The following EBF3 variants were observed in gnomAD, a reference collection of about 807,000 sequenced individuals.
EBF3 encodes the protein transcription factor COE3.
A neutral mutation model predicts 77.1 loss-of-function variants in EBF3; 18 were observed. The ratio of observed to expected loss-of-function variants is 0.23; its 90% CI spans 0.16 to 0.35. EBF3 has a LOEUF of 0.35. EBF3 is among the 10% of genes least tolerant of loss of function. The pLI, the probability that EBF3 is intolerant of heterozygous loss-of-function variation, is 1.00. For missense variants in EBF3, 558 were observed against 860.0 expected (o/e 0.65, Z 4.39); for synonymous variants, 350 against 343.5 (o/e 1.02, Z -0.21).
Position 129,841,173 on chromosome 10 carries a change from G to T in EBF3, c.1373-141C>A. On this transcript the variant is annotated intron_variant, in intron 13 of 16. Transcript: ENST00000440978. The surrounding 1 kb of genome is among the most constrained non-coding windows in gnomAD (Gnocchi z 4.6). The stretch of plus-strand genomic sequence containing the variant: ...CCACCTGCTCTAGCGCCTGCTGCCA[G>T]CTCGGATGACCTTATCACGCCAACC... 1 of 1,154,724 alleles carries T rather than the reference G, an allele frequency of 8.7e-7. No homozygotes were observed. Among genetic ancestry groups the T allele is most frequent in the Non-Finnish European group, 1.2e-6 (1 of 836,692 alleles). The allele number at this position is 1,154,724 out of a possible 1,614,324, so 71.5% of individuals were successfully genotyped here.
Position 129,964,018 on chromosome 10 carries a change from T to C in EBF3, c.-250A>G, listed in dbSNP as rs1159203883. 4.1e-6 allele frequency: 4 copies of C among 985,098 alleles called. No homozygotes were observed. Among genetic ancestry groups the C allele is most frequent in the South Asian group, 9.4e-5 (2 of 21,288 alleles). The allele number at this position is 985,098 out of a possible 1,614,324, so 61.0% of individuals were successfully genotyped here. On this transcript the variant is annotated 5_prime_UTR_variant, in exon 1 of 17. Transcript: ENST00000440978. The surrounding 1 kb of genome is among the most constrained non-coding windows in gnomAD (Gnocchi z 4.5). ...GGCGCTTCGAAGGAGCAGGACGCGG[T>C]GGCCGCGGCGGCGCTTGTTGTTGTT... is the stretch of plus-strand genomic sequence containing the variant.
At chr10:129,932,518 C>T (rs374104629) in intron 6 of EBF3, among the ~76,000 whole-genome samples, 26 of 152,222 alleles carry the variant, frequency 1.7e-4, no homozygotes, top group African/African-American at 5.8e-4. Context: ...AGTTGATTCC[C>T]ATTGCCTAAA....
At chr10:129,859,021 CGA>C (rs1463497637) in intron 10 of EBF3, among the ~76,000 whole-genome samples, 1 of 152,240 alleles carries the variant, frequency 6.6e-6, no homozygotes, top group Admixed American at 6.5e-5. Context: ...AATGACCCTT[CGA>C]GAGTGTGCCC....
chr10:129,958,893 G>A lies in EBF3; in HGVS notation c.485+41C>T, dbSNP rs577376771. The A allele has an allele frequency of 1.8e-5, 28 of 1,576,516 alleles. 1 individual carries two copies. The Middle Eastern group carries it at 3.0e-3, about 171-fold the overall frequency. On this transcript the variant is annotated intron_variant, in intron 5 of 16. Coordinates refer to ENST00000440978, the MANE Select transcript of EBF3 (RefSeq NM_001375380.1). ...GTCCTTTGTAGACGCAGCTGGCGCC[G>A]AGGCAGCCCGCGCCCCCGCCGCCCG...
At chr10:129,956,458 C>A (rs185431878) in intron 6 of EBF3, among the ~76,000 whole-genome samples, 4 of 152,160 alleles carry the variant, frequency 2.6e-5, no homozygotes, top group Non-Finnish European at 4.4e-5. Context: ...CTCTCCTGCA[C>A]GGCACCGAAA....
intron 10 of EBF3, among the ~76,000 whole-genome samples, chr10:129,866,801 G>A (rs1564838930): frequency 6.6e-6 from 1 of 152,188 alleles, no homozygotes; most frequent in Non-Finnish European, 1.5e-5. Context: ...GCCCCACATG[G>A]AGCCAGGCAT....
At chr10:129,904,217 C>A (rs149165902) in intron 6 of EBF3, among the ~76,000 whole-genome samples, 1 of 152,284 alleles carries the variant, frequency 6.6e-6, no homozygotes, top group Non-Finnish European at 1.5e-5. Flanking sequence ...CCTGCACTAC[C>A]CCTTGGTTAG....
At chr10:129,920,664 T>A (rs1036571869) in intron 6 of EBF3, among the ~76,000 whole-genome samples, 11 of 152,204 alleles carry the variant, frequency 7.2e-5, no homozygotes, top group African/African-American at 2.7e-4. Flanking sequence ...CCGAAGAATC[T>A]TGGAAAGCCA....
intron 11 of EBF3, among the ~76,000 whole-genome samples, chr10:129,847,031 C>T (rs994179250): frequency 1.3e-4 from 20 of 152,262 alleles, no homozygotes; most frequent in Non-Finnish European, 2.9e-4. Flanking sequence ...AGGCTGGGTG[C>T]TCACCAATGA....
At chr10:129,930,693 A>G (rs1392112491) in intron 6 of EBF3, among the ~76,000 whole-genome samples, 4 of 147,752 alleles carry the variant, frequency 2.7e-5, no homozygotes, top group African/African-American at 5.0e-5. Context: ...ATCTATCTCT[A>G]TATTAACAAA....
intron 6 of EBF3, among the ~76,000 whole-genome samples, chr10:129,896,003 T>C (rs1323641104): frequency 2.6e-5 from 4 of 152,264 alleles, no homozygotes; most frequent in African/African-American, 9.6e-5. Flanking sequence ...CAAATTATGC[T>C]GAAAATAGCA....
At chr10:129,918,416 C>T (rs1300620333) in intron 6 of EBF3, among the ~76,000 whole-genome samples, 4 of 152,048 alleles carry the variant, frequency 2.6e-5, no homozygotes, top group Admixed American at 2.0e-4. Context: ...AGGAGAAAAG[C>T]TAAGAAAAAA....
rs1317992328 is a variant in EBF3 at position 129,861,541 on chromosome 10, A to G, written c.1039+5600T>C. On this transcript the variant is annotated intron_variant, in intron 10 of 16. Coordinates refer to ENST00000440978, the MANE Select transcript of EBF3 (RefSeq NM_001375380.1). This position sits in a 1 kb window ranked among gnomAD's most constrained non-coding sequence, Gnocchi z 4.3. ...AAGCAAAGGTGCCTGGAGGGTGTCT[A>G]TTCTTGGGGGGTTCACTGGGGATCA... 7.0e-6 allele frequency among the ~76,000 whole-genome samples: 1 copy of G among 143,152 alleles called. No individual in the cohort carries two copies. Among genetic ancestry groups the G allele is most frequent in the African/African-American group, 2.5e-5 (1 of 39,418 alleles). 93.9% of individuals were successfully genotyped at this position (143,152 alleles called of 152,430 possible). A position where few individuals can be genotyped will look rare whatever the true frequency, so the allele number is the denominator to read the frequency against.
chr10:129,954,787 C>G (rs142509318), intron 6 of EBF3, among the ~76,000 whole-genome samples: 3,692 of 152,244 alleles, frequency 0.024, 63 homozygotes, highest in Non-Finnish European at 0.031. Context: ...AGCCAACTAA[C>G]CAAATGAGAC....
In EBF3 at chr10:129,863,393, T is replaced by A. The variant is rs1424788256; in HGVS notation, c.1039+3748A>T. Among the ~76,000 whole-genome samples, 1 of 152,262 alleles carries A rather than the reference T, an allele frequency of 6.6e-6. No homozygotes were observed. The highest frequency in any genetic ancestry group is 1.5e-5 in the Non-Finnish European group (1 of 68,042). The stretch of plus-strand genomic sequence containing the variant: ...CTGGATGGATGGGGCCTGGCCTGCC[T>A]TCCCCTTCCCACTCGGGGTTGACTA... On this transcript the variant is annotated intron_variant, in intron 10 of 16. Coordinates refer to ENST00000440978, the MANE Select transcript of EBF3 (RefSeq NM_001375380.1). The surrounding 1 kb of genome is among the most constrained non-coding windows in gnomAD (Gnocchi z 4.0).
intron 14 of EBF3, 141 bp downstream of exon 14, chr10:129,840,703 G>T: frequency 1.6e-6 from 2 of 1,272,748 alleles, no homozygotes; most frequent in Non-Finnish European, 2.1e-6. Flanking sequence ...ATTTACGGTC[G>T]CCATTTGGAC....
Position 129,912,614 on chromosome 10 carries a change from C to T in EBF3, c.555-34765G>A, listed in dbSNP as rs772327433. On this transcript the variant is annotated intron_variant, in intron 6 of 16. Coordinates refer to ENST00000440978, the MANE Select transcript of EBF3 (RefSeq NM_001375380.1). ...CTGTTATATTGCCCCTATTCTACAT[C>T]GACAAGAATATATTTTTTCCCTGTT... Among the ~76,000 whole-genome samples the T allele has an allele frequency of 2.0e-5, 3 of 152,266 alleles. No individual in the cohort carries two copies. In the South Asian group the frequency reaches 6.2e-4, roughly 32 times the overall value.
chr10:129,908,714 C>T (rs1174044437), intron 6 of EBF3, among the ~76,000 whole-genome samples: 1 of 152,204 alleles, frequency 6.6e-6, no homozygotes, highest in Non-Finnish European at 1.5e-5. Flanking sequence ...ATAGAGGAGA[C>T]ATCATGGACA....
intron 10 of EBF3, among the ~76,000 whole-genome samples, chr10:129,850,027 G>C (rs1289970973): frequency 2.0e-5 from 3 of 152,248 alleles, no homozygotes; most frequent in Non-Finnish European, 4.4e-5. Context: ...AGCATAGTTC[G>C]GGCCGCGGGG....
Sources: allele counts gnomAD v4.1 joint callset (sites outside exome capture counted in the v4.1 genomes callset), GRCh38; gene constraint gnomAD v4.1.1; non-coding constraint Gnocchi (gnomAD v3.1); transcripts MANE v1.5; gene names NCBI Gene and HGNC (gene_info 2026-07-23, HGNC 2026-07-21).